PTPRN2: variants seen among roughly 807,000 people sequenced by gnomAD.
PTPRN2 encodes the protein protein tyrosine phosphatase receptor type N2.
A neutral mutation model predicts 118.8 loss-of-function variants in PTPRN2; 74 were observed. The observed-to-expected ratio is 0.62, with a 90% CI of 0.52 to 0.76. The LOEUF (loss-of-function observed/expected upper bound fraction) is 0.76. PTPRN2 is among the 30% of genes least tolerant of loss of function. PTPRN2 has a pLI of 0.00. For missense variants in PTPRN2, 1,481 were observed against 1,394.4 expected, an observed-to-expected ratio of 1.06 and a Z score of -0.99; for synonymous variants, 641 against 608.0, an observed-to-expected ratio of 1.05 and a Z score of -0.80.
chr7:158,116,591 A>C (rs115272525), intron 9 of PTPRN2, among the ~76,000 whole-genome samples: 167 of 152,388 alleles, frequency 1.1e-3, no homozygotes, highest in African/African-American at 3.7e-3. Context: ...GGAATCTGCA[A>C]TCTCACTGCT....
intron 11 of PTPRN2, among the ~76,000 whole-genome samples, chr7:158,019,172 C>T (rs1373313582): frequency 2.6e-5 from 4 of 152,238 alleles, no homozygotes; most frequent in African/African-American, 9.6e-5. Context: ...CCTCCCACCA[C>T]GGGCTCCCAG....
chr7:158,253,371 T>A (rs1181102990), intron 3 of PTPRN2, among the ~76,000 whole-genome samples: 1 of 152,222 alleles, frequency 6.6e-6, no homozygotes, highest in African/African-American at 2.4e-5. Flanking sequence ...GCGTGTTTCT[T>A]TTAACAACGT....
chr7:157,915,008 T>C (rs1382195382), intron 11 of PTPRN2, among the ~76,000 whole-genome samples: 1 of 152,178 alleles, frequency 6.6e-6, no homozygotes, highest in African/African-American at 2.4e-5. Context: ...CTTCAAAAAT[T>C]GTGGTCTCTT....
At chr7:158,156,139 C>T (rs1168568177) in intron 6 of PTPRN2, among the ~76,000 whole-genome samples, 1 of 152,208 alleles carries the variant, frequency 6.6e-6, no homozygotes, top group Non-Finnish European at 1.5e-5. Context: ...CATGCTGCAG[C>T]CTGGGATGAA....
chr7:157,858,092 A>G (rs1809883278), intron 12 of PTPRN2, among the ~76,000 whole-genome samples: 1 of 99,472 alleles, frequency 1.0e-5, no homozygotes, highest in African/African-American at 4.4e-5. Flanking sequence ...GTCACCACCC[A>G]CACTCCTGCA....
At chr7:157,639,652 A>C (rs1804553667) in intron 14 of PTPRN2, among the ~76,000 whole-genome samples, 1 of 152,238 alleles carries the variant, frequency 6.6e-6, no homozygotes, top group African/African-American at 2.4e-5. Flanking sequence ...AAGGCAGGCG[A>C]CAGGATTCCC....
At chr7:158,222,492 G>A (rs927154742) in intron 3 of PTPRN2, among the ~76,000 whole-genome samples, 11 of 152,098 alleles carry the variant, frequency 7.2e-5, no homozygotes, top group African/African-American at 1.4e-4. Flanking sequence ...CAAATACTGC[G>A]TGTTCTCACT....
chr7:158,017,811 G>T (rs898259173), intron 11 of PTPRN2, among the ~76,000 whole-genome samples: 1 of 152,146 alleles, frequency 6.6e-6, no homozygotes. Context: ...CACACCTCAG[G>T]ATTTCACACA....
intron 3 of PTPRN2, among the ~76,000 whole-genome samples, chr7:158,228,198 G>A (rs1194249044): frequency 6.6e-6 from 1 of 152,108 alleles, no homozygotes; most frequent in African/African-American, 2.4e-5. Context: ...AAAACAGTGT[G>A]ACAATCAACT....
intron 10 of PTPRN2, 149 bp downstream of exon 10, chr7:158,110,680 C>T (rs1403740255): frequency 1.4e-6 from 1 of 732,102 alleles, no homozygotes; most frequent in South Asian, 1.8e-5. Flanking sequence ...AAATAACTTA[C>T]CAAAGCTGCT....
In PTPRN2 at chr7:157,674,739, T is replaced by C. The variant is rs918872743; in HGVS notation, c.2001+7986A>G. Among the ~76,000 whole-genome samples, 1 of 152,210 alleles carries C rather than the reference T, an allele frequency of 6.6e-6. No homozygotes were observed. The highest frequency in any genetic ancestry group is 2.4e-5 in the African/African-American group (1 of 41,456). On this transcript the variant is annotated intron_variant, in intron 13 of 22. Coordinates refer to ENST00000389418, the MANE Select transcript of PTPRN2 (RefSeq NM_002847.5). The surrounding 1 kb of genome is among the most constrained non-coding windows in gnomAD (Gnocchi z 4.5). ...CAAGGTGAGGCCCCGCGCAGGTACC[T>C]CTGTACACGCCTGTGGAGTCCCACC...
chr7:157,577,590 C>T (rs1242112798), intron 18 of PTPRN2, among the ~76,000 whole-genome samples: 1 of 152,212 alleles, frequency 6.6e-6, no homozygotes, highest in East Asian at 1.9e-4. Flanking sequence ...CAGGCACTGG[C>T]ATCAAGGATG....
At chr7:157,720,459 T>C (rs939859417) in intron 12 of PTPRN2, among the ~76,000 whole-genome samples, 41 of 152,346 alleles carry the variant, frequency 2.7e-4, no homozygotes, top group South Asian at 4.1e-4. Flanking sequence ...AAAGCCTTGT[T>C]GCACACCCGG....
chr7:157,801,887 C>G lies in PTPRN2; in HGVS notation c.1788+96786G>C, dbSNP rs1805328965. Among the ~76,000 whole-genome samples, 1 of 152,190 alleles carries G rather than the reference C, an allele frequency of 6.6e-6. No individual in the cohort carries two copies. On this transcript the variant is annotated intron_variant, in intron 12 of 22. Coordinates refer to ENST00000389418, the MANE Select transcript of PTPRN2 (RefSeq NM_002847.5). This position sits in a 1 kb window ranked among gnomAD's most constrained non-coding sequence, Gnocchi z 4.2. ...CAGGAAAACAACACAGATTTATTCT[C>G]TCACAGGAGGCCACGGTCCAGATGG...
Position 158,167,219 on chromosome 7 carries a change from A to G in PTPRN2, c.622T>C (p.Ser208Pro), listed in dbSNP as rs1130495. The part of the protein sequence containing the change: ...HTSALTYPPG[S>P]RTQLREDLLP... ...AGGTCCTCGCGGAGCTGGGTCCGGG[A>G]CCCGGGAGGGTAGGTCAGCGCAGAC... The change falls in exon 6 of 23, where the codon TCC (serine) becomes CCC (proline). Residue 208 changes from serine (S) to proline (P), a missense_variant. By Grantham distance (74) the Ser-to-Pro change is moderately conservative. Transcript: ENST00000389418. 1,368,043 of 1,613,026 alleles carry G rather than the reference A, an allele frequency of 0.85. 580,910 individuals carry two copies. The highest frequency in any genetic ancestry group is 0.91 in the Admixed American group (54,862 of 59,966).
chr7:158,272,004 G>A (rs569173944), intron 3 of PTPRN2, among the ~76,000 whole-genome samples: 150 of 152,294 alleles, frequency 9.8e-4, no homozygotes, highest in African/African-American at 3.3e-3. Flanking sequence ...AAATGAATTC[G>A]TTTGACATTC....
chr7:158,449,476 T>G (rs1817949043), intron 2 of PTPRN2, among the ~76,000 whole-genome samples: 1 of 152,012 alleles, frequency 6.6e-6, no homozygotes, highest in Non-Finnish European at 1.5e-5. Flanking sequence ...CACAGCGCAG[T>G]CTGAGTCCAA....
chr7:158,416,170 G>A (rs549379852), intron 2 of PTPRN2, among the ~76,000 whole-genome samples: 12 of 152,322 alleles, frequency 7.9e-5, no homozygotes, highest in African/African-American at 2.9e-4. Context: ...CCATGCACTG[G>A]AGGAAGCCTT....
At chr7:158,000,496 CTCT>C (rs1184160013) in intron 11 of PTPRN2, among the ~76,000 whole-genome samples, 1 of 150,852 alleles carries the variant, frequency 6.6e-6, no homozygotes, top group African/African-American at 2.4e-5. Flanking sequence ...CTTCCTCCTC[CTCT>C]TTATTTCTTA....
Sources: allele counts gnomAD v4.1 joint callset (sites outside exome capture counted in the v4.1 genomes callset), GRCh38; gene constraint gnomAD v4.1.1; non-coding constraint Gnocchi (gnomAD v3.1); transcripts MANE v1.5; gene names NCBI Gene and HGNC (gene_info 2026-07-23, HGNC 2026-07-21).